Variants in CLEC12A observed in about 807,000 individuals in gnomAD.
The protein encoded by CLEC12A is C-type lectin domain family 12 member A, also known as C-type lectin protein CLL-1.
In CLEC12A, 22 loss-of-function variants were observed where a neutral mutation model predicts 26.5. The observed-to-expected ratio is 0.83, with a 90% CI of 0.59 to 1.19. The LOEUF (loss-of-function observed/expected upper bound fraction) is 1.19. CLEC12A is among the 50% of genes most tolerant of loss of function. The pLI, the probability that CLEC12A is intolerant of heterozygous loss-of-function variation, is 0.00. For synonymous variants in CLEC12A, 119 were observed against 101.9 expected (o/e 1.17, Z -1.01); for missense variants, 353 against 315.6 (o/e 1.12, Z -0.90).
At position 9,985,236 on chromosome 12, in the gene CLEC12A, A is replaced by G. The variant is rs1454676113; in HGVS notation, c.*210A>G. On this transcript the variant is annotated 3_prime_UTR_variant, in exon 6 of 6. Transcript: ENST00000304361. ...TATAATGAAGCATGTCCCACCTCCC[A>G]CTTTCCATCATGGCCTGAACCCTGG... 2.2e-6 allele frequency: 1 copy of G among 456,228 alleles called. No homozygotes were observed. Among genetic ancestry groups the G allele is most frequent in the Non-Finnish European group, 3.6e-6 (1 of 278,108 alleles). The allele number at this position is 456,228 out of a possible 1,614,324, so 28.3% of individuals were successfully genotyped here.
At chr12:9,976,499 A>T (rs1176937800) in intron 1 of CLEC12A, among the ~76,000 whole-genome samples, 1 of 152,194 alleles carries the variant, frequency 6.6e-6, no homozygotes, top group Non-Finnish European at 1.5e-5. Flanking sequence ...ATTTGGAATG[A>T]CCGTATTTAT....
chr12:10,006,053 T>C, the CLEC12A span, among the ~76,000 whole-genome samples: 313 of 152,356 alleles, frequency 2.1e-3, no homozygotes, highest in Non-Finnish European at 3.2e-3. Flanking sequence ...AAATCAATAA[T>C]ACTTCCACAT....
chr12:9,998,640 G>C (rs1865111518), downstream of CLEC12A, among the ~76,000 whole-genome samples: 1 of 60,666 alleles, frequency 1.6e-5, no homozygotes, highest in African/African-American at 6.6e-5. Flanking sequence ...TGATGTGTTT[G>C]TATTTTTTGT....
chr12:9,982,135 T>C lies in CLEC12A; in HGVS notation c.641+6T>C. 1.4e-6 allele frequency: 2 copies of C among 1,422,220 alleles called. No individual in the cohort carries two copies. Among genetic ancestry groups the C allele is most frequent in the South Asian group, 2.3e-5 (2 of 86,610 alleles). The allele number at this position is 1,422,220 out of a possible 1,614,324, so 88.1% of individuals were successfully genotyped here. On this transcript the variant is annotated splice_donor_region_variant and intron_variant, in intron 5 of 5. Transcript: ENST00000304361. ...ATAATCAACTCCTCTGCCTGGTAAG[T>C]GTCTATTCTTGTTAGAATTTTATAG... is the stretch of plus-strand genomic sequence containing the variant.
At chr12:9,994,104 TG>T (rs1864968964) in intron 4 of CLEC12A, among the ~76,000 whole-genome samples, 1 of 152,058 alleles carries the variant, frequency 6.6e-6, no homozygotes, top group South Asian at 2.1e-4. Context: ...TAATTTAGTT[TG>T]GGTAGAGTTA....
chr12:9,985,579 C>G lies in CLEC12A; in HGVS notation c.*553C>G, dbSNP rs1156749723. On this transcript the variant is annotated 3_prime_UTR_variant, in exon 6 of 6. Transcript: ENST00000304361. ...ATTATTTTAAGTAAAAGCCAATAAA[C>G]AAAAACGAAAAGGCAAGTTACGAGA... The G allele has an allele frequency of 2.5e-6, 1 of 397,920 alleles. No individual in the cohort carries two copies. The highest frequency in any genetic ancestry group is 4.4e-6 in the Non-Finnish European group (1 of 225,788). The allele number at this position is 397,920 out of a possible 1,614,324, so 24.6% of individuals were successfully genotyped here. A position where few individuals can be genotyped will look rare whatever the true frequency, so the allele number is the denominator to read the frequency against.
In CLEC12A at chr12:9,980,037, T is replaced by C. The variant is rs372685340; in HGVS notation, c.379+513T>C. ...CCTGAGAAACCTCAAAGTTTCAACA[T>C]TTCAGAGAACAAAAATTAAAGAAGA... is the stretch of plus-strand genomic sequence containing the variant. On this transcript the variant is annotated intron_variant, in intron 3 of 5. Coordinates refer to ENST00000304361, the MANE Select transcript of CLEC12A (RefSeq NM_138337.6). Among the ~76,000 whole-genome samples, 13 of 152,272 alleles carry C rather than the reference T, an allele frequency of 8.5e-5. No individual in the cohort carries two copies. The East Asian group carries it at 1.5e-3, about 18-fold the overall frequency.
downstream of CLEC12A, among the ~76,000 whole-genome samples, chr12:9,988,573 C>G (rs1199695519): frequency 6.6e-6 from 1 of 152,194 alleles, no homozygotes; most frequent in East Asian, 1.9e-4. Flanking sequence ...AGACACTTCT[C>G]AAAAGAAGAC....
intron 1 of CLEC12A, chr12:9,952,201 C>T (rs866998531): frequency 1.6e-5 from 1 of 62,654 alleles, no homozygotes; most frequent in African/African-American, 4.9e-5. Context: ...CTCCGTCTCC[C>T]TCTCCCTCTC....
chr12:9,963,629 G>A (rs535609500), intron 1 of CLEC12A, among the ~76,000 whole-genome samples: 9 of 152,172 alleles, frequency 5.9e-5, no homozygotes, highest in East Asian at 1.9e-4. Flanking sequence ...GGAGCTCTTC[G>A]GTCCTATTTG....
chr12:9,975,621 T>G (rs1032100709), intron 1 of CLEC12A, among the ~76,000 whole-genome samples: 1 of 152,152 alleles, frequency 6.6e-6, no homozygotes, highest in Non-Finnish European at 1.5e-5. Context: ...AGAAAATTTG[T>G]GGCTTGACAA....
chr12:9,955,182 G>A (rs1413188789), intron 1 of CLEC12A, among the ~76,000 whole-genome samples: 1 of 152,134 alleles, frequency 6.6e-6, no homozygotes, highest in Non-Finnish European at 1.5e-5. Context: ...TGCCTCCCGG[G>A]TTCACGCCAT....
At chr12:9,979,215 C>A in intron 2 of CLEC12A, 121 bp from the exon 3 acceptor site, 1 of 968,446 alleles carries the variant, frequency 1.0e-6, no homozygotes, top group Non-Finnish European at 1.6e-6. Flanking sequence ...GTCTCTTTCC[C>A]TCACTCCTGT....
At chr12:9,967,212 G>T (rs942217034), upstream of CLEC12A, among the ~76,000 whole-genome samples, 1 of 152,076 alleles carries the variant, frequency 6.6e-6, no homozygotes, top group Non-Finnish European at 1.5e-5. Context: ...TTGGGGTTGG[G>T]ACTGAGGGGA....
At chr12:9,962,642 C>T (rs1863854757) in intron 1 of CLEC12A, among the ~76,000 whole-genome samples, 1 of 151,990 alleles carries the variant, frequency 6.6e-6, no homozygotes, top group Non-Finnish European at 1.5e-5. Flanking sequence ...GTGGGGGCCA[C>T]AAGGTGCTCA....
chr12:9,981,478 A>T (rs1443479108), intron 4 of CLEC12A, among the ~76,000 whole-genome samples: 2 of 152,094 alleles, frequency 1.3e-5, no homozygotes, highest in South Asian at 4.1e-4. Flanking sequence ...TCAACCCACA[A>T]TCTCTTCCTC....
intron 1 of CLEC12A, among the ~76,000 whole-genome samples, chr12:9,965,962 T>C (rs992132817): frequency 1.3e-5 from 2 of 151,974 alleles, no homozygotes; most frequent in African/African-American, 4.8e-5. Context: ...GGCTTTGACC[T>C]GGGGGAAAAG....
Position 9,979,034 on chromosome 12 carries a change from C to T in CLEC12A, c.160C>T (p.Leu54Phe), listed in dbSNP as rs1864448378. Residue 54 changes from leucine (L) to phenylalanine (F), a missense_variant, in exon 2 of 6, where the codon CTC becomes TTC. Leu to Phe is a conservative substitution (Grantham distance 22). Transcript: ENST00000304361. ...LFLTLLCLLLLIGLGVLASMF... is the reference protein window; with the variant it reads ...LFLTLLCLLLFIGLGVLASMF... Reference sequence around the variant, plus strand: ...TCTGACTCTTCTGTGCCTTCTGTTGCTCATTGGATTGGGAGTCTTGGCAAG... The same window carrying T: ...TCTGACTCTTCTGTGCCTTCTGTTGTTCATTGGATTGGGAGTCTTGGCAAG... The T allele has an allele frequency of 6.2e-7, 1 of 1,613,820 alleles. No individual in the cohort carries two copies. Among genetic ancestry groups the T allele is most frequent in the Non-Finnish European group, 8.5e-7 (1 of 1,179,750 alleles).
At chr12:9,954,007 G>A (rs1385958045) in intron 1 of CLEC12A, among the ~76,000 whole-genome samples, 2 of 144,838 alleles carry the variant, frequency 1.4e-5, no homozygotes, top group Non-Finnish European at 3.0e-5. Context: ...GATGCTTGAA[G>A]GCAGCATGCT....
Sources: gnomAD v4.1 joint callset for allele counts (sites outside exome capture counted in the v4.1 genomes callset) on GRCh38, gnomAD v4.1.1 for gene constraint, MANE v1.5 for transcripts, NCBI Gene and HGNC (gene_info 2026-07-23, HGNC 2026-07-21) for gene names.